MARK3: variants seen among roughly 807,000 people sequenced by gnomAD.
The protein encoded by MARK3 is MAP/microtubule affinity-regulating kinase 3.
MARK3 carries 46 observed loss-of-function variants against 90.1 expected under a neutral mutation model. The observed-to-expected ratio is 0.51, with a 90% CI of 0.40 to 0.65. The LOEUF is 0.65. MARK3 is among the 30% of genes least tolerant of loss of function. The pLI is 0.00. For missense variants in MARK3, 818 were observed against 947.2 expected (o/e 0.86, Z 1.79); for synonymous variants, 321 against 332.6 (o/e 0.97, Z 0.38).
intron 3 of MARK3, among the ~76,000 whole-genome samples, chr14:103,432,828 C>A (rs2092620504): frequency 6.6e-6 from 1 of 152,122 alleles, no homozygotes; most frequent in African/African-American, 2.4e-5. Flanking sequence ...TGCATTCCAG[C>A]CTGGGCAACA....
intron 14 of MARK3, among the ~76,000 whole-genome samples, chr14:103,485,960 G>A (rs983461508): frequency 1.3e-5 from 2 of 152,200 alleles, no homozygotes; most frequent in South Asian, 4.1e-4. Context: ...CATGCAACTT[G>A]AATTTTAAGA....
intron 3 of MARK3, among the ~76,000 whole-genome samples, chr14:103,441,844 TAAC>T (rs138893388): frequency 0.33 from 50,700 of 151,916 alleles, 8,756 homozygotes; most frequent in Middle Eastern, 0.45. Context: ...CTGGTTCACT[TAAC>T]AATTGCCATT....
chr14:103,472,075 G>A (rs1566906382), intron 12 of MARK3, among the ~76,000 whole-genome samples: 1 of 151,700 alleles, frequency 6.6e-6, no homozygotes, highest in African/African-American at 2.4e-5. Context: ...GCCAGGCGTG[G>A]TGGTGGGCAC....
chr14:103,450,218 T>G (rs2093099938), intron 4 of MARK3, among the ~76,000 whole-genome samples: 3 of 152,130 alleles, frequency 2.0e-5, no homozygotes, highest in African/African-American at 7.2e-5. Flanking sequence ...CATAGTTGGA[T>G]TAAAAAAAAA....
intron 2 of MARK3, among the ~76,000 whole-genome samples, chr14:103,414,330 C>G (rs1016415851): frequency 6.6e-6 from 1 of 152,030 alleles, no homozygotes; most frequent in Non-Finnish European, 1.5e-5. Context: ...CTCAGCCTCC[C>G]TAGTAGCTGG....
At chr14:103,492,074 G>A in intron 15 of MARK3, 40 bp downstream of exon 15, 1 of 1,592,038 alleles carries the variant, frequency 6.3e-7, no homozygotes, top group Non-Finnish European at 8.6e-7. Context: ...TGAACACATA[G>A]AGCAAAAGGA....
chr14:103,404,555 A>G (rs1455796208), intron 1 of MARK3, among the ~76,000 whole-genome samples: 1 of 152,222 alleles, frequency 6.6e-6, no homozygotes, highest in Non-Finnish European at 1.5e-5. Context: ...GTCGTCTATT[A>G]AGGGCCACAC....
intron 14 of MARK3, among the ~76,000 whole-genome samples, chr14:103,481,534 C>A (rs1236505913): frequency 1.3e-5 from 2 of 152,040 alleles, no homozygotes; most frequent in East Asian, 3.9e-4. Flanking sequence ...CCATAGGCCA[C>A]TTAGGATTGA....
At chr14:103,417,933 G>A (rs746092506) in intron 2 of MARK3, among the ~76,000 whole-genome samples, 10 of 152,124 alleles carry the variant, frequency 6.6e-5, no homozygotes, top group African/African-American at 1.9e-4. Flanking sequence ...GCTGGGCGTG[G>A]TGGCGCGCAC....
In MARK3 at chr14:103,503,006, A is replaced by C. The variant is rs1354952202; in HGVS notation, c.2041A>C (p.Lys681Gln). ...CGGGGACATGATGCGGGAAATCCGC[A>C]AAGTGTTGGACGCCAATAACTGCGA... ...DPGDMMREIR[K>Q]VLDANNCDYE... The change falls in exon 18 of 18, where the codon AAA (lysine) becomes CAA (glutamine). Residue 681 changes from lysine to glutamine, a missense_variant. Lys to Gln is a moderately conservative substitution (Grantham distance 53). Around this residue, in one of 3 missense-constraint regions of MARK3, gnomAD observed 560 missense variants for 613.5 expected, o/e 0.91. Coordinates refer to ENST00000429436, the MANE Select transcript of MARK3 (RefSeq NM_001128918.3). 3.1e-6 allele frequency: 5 copies of C among 1,614,142 alleles called. No homozygotes were observed. Among genetic ancestry groups the C allele is most frequent in the Non-Finnish European group, 3.4e-6 (4 of 1,180,054 alleles).
Position 103,491,871 on chromosome 14 carries a change from A to G in MARK3, c.1681A>G (p.Ser561Gly). 1 of 1,614,228 alleles carries G rather than the reference A, an allele frequency of 6.2e-7. No homozygotes were observed. Among genetic ancestry groups the G allele is most frequent in the Non-Finnish European group, 8.5e-7 (1 of 1,180,040 alleles). ...DRIRFPRGTA[S>G]RSTFHGQPRE... Reference sequence around the variant, plus strand: ...AATCCGCTTCCCAAGAGGCACTGCCAGTCGTAGCACTTTCCACGGCCAGCC... The same window carrying G: ...AATCCGCTTCCCAAGAGGCACTGCCGGTCGTAGCACTTTCCACGGCCAGCC... The change falls in exon 15 of 18, where the codon AGT (serine) becomes GGT (glycine). Residue 561 changes from serine to glycine, a missense_variant. Around this residue, in one of 3 missense-constraint regions of MARK3, gnomAD observed 560 missense variants for 613.5 expected, o/e 0.91. Transcript: ENST00000429436.
chr14:103,494,456 A>G (rs1447953157), intron 15 of MARK3, among the ~76,000 whole-genome samples: 1 of 150,246 alleles, frequency 6.7e-6, no homozygotes, highest in Non-Finnish European at 1.5e-5. Flanking sequence ...AGGCAGGAGA[A>G]TCACTTGAAC....
chr14:103,444,427 TC>T (rs2092941229), intron 3 of MARK3, among the ~76,000 whole-genome samples: 1 of 152,230 alleles, frequency 6.6e-6, no homozygotes, highest in South Asian at 2.1e-4. Context: ...ATTTCTTTTT[TC>T]CAACTAACAT....
intron 2 of MARK3, among the ~76,000 whole-genome samples, chr14:103,418,415 A>C (rs2092053843): frequency 6.6e-6 from 1 of 152,062 alleles, no homozygotes; most frequent in African/African-American, 2.4e-5. Flanking sequence ...GTTTGTATGA[A>C]TAGGACATGT....
At chr14:103,412,151 T>C in intron 2 of MARK3, 1 of 1,369,312 alleles carries the variant, frequency 7.3e-7, no homozygotes, top group Non-Finnish European at 9.9e-7. Flanking sequence ...CCCGTGGTGC[T>C]CTTGATATAT....
At chr14:103,399,437 C>T (rs966966093) in intron 1 of MARK3, among the ~76,000 whole-genome samples, 2 of 151,980 alleles carry the variant, frequency 1.3e-5, no homozygotes, top group African/African-American at 4.8e-5. Context: ...GGGTAGGGTG[C>T]GGTGGCTCAC....
intron 15 of MARK3, among the ~76,000 whole-genome samples, chr14:103,494,102 C>T (rs1489445663): frequency 1.3e-5 from 2 of 149,660 alleles, no homozygotes; most frequent in Non-Finnish European, 3.0e-5. Flanking sequence ...GGGGTGGTGG[C>T]GCTCGCCTGT....
chr14:103,433,093 C>CTTT (rs1285320294), intron 3 of MARK3, among the ~76,000 whole-genome samples: 223 of 118,000 alleles, frequency 1.9e-3, no homozygotes, highest in Non-Finnish European at 2.7e-3. Context: ...CTTTTCTTTT[C>CTTT]TTTTTTTTTT....
intron 3 of MARK3, among the ~76,000 whole-genome samples, chr14:103,439,609 A>G (rs1286689899): frequency 4.6e-5 from 7 of 152,052 alleles, no homozygotes; most frequent in African/African-American, 7.2e-5. Context: ...AGGTTTCACC[A>G]TGTTGGCCAG....
Sources: gnomAD v4.1 joint callset for allele counts (sites outside exome capture counted in the v4.1 genomes callset) on GRCh38, gnomAD v4.1.1 for gene constraint, gnomAD v4.1.1 regional missense constraint, MANE v1.5 for transcripts, NCBI Gene and HGNC (gene_info 2026-07-23, HGNC 2026-07-21) for gene names.